The following GRK5 variants were observed in gnomAD, a reference collection of about 807,000 sequenced individuals.
GRK5 encodes g protein-coupled receptor kinase GRK5.
Under a neutral mutation model 78.4 loss-of-function variants are expected in GRK5, and 40 were observed. The observed-to-expected ratio is 0.51, with a 90% confidence interval of 0.40 to 0.66. The LOEUF is 0.66. Among genes scored for constraint, GRK5 ranks in the 30% least tolerant of loss-of-function variants. GRK5 has a pLI of 0.00. For missense variants in GRK5, 598 were observed against 759.9 expected (o/e 0.79, Z 2.50); for synonymous variants, 289 against 296.8 (o/e 0.97, Z 0.27).
At chr10:119,365,409 C>A (rs1224085896) in intron 2 of GRK5, among the ~76,000 whole-genome samples, 1 of 152,208 alleles carries the variant, frequency 6.6e-6, no homozygotes, top group East Asian at 1.9e-4. Context: ...ATATGAAACA[C>A]CTGTGTGGCA....
chr10:119,303,102 G>A (rs982858798), intron 1 of GRK5, among the ~76,000 whole-genome samples: 6 of 152,186 alleles, frequency 3.9e-5, no homozygotes, highest in African/African-American at 1.4e-4. Context: ...CGTGGAGGGT[G>A]AGCCATGTGT....
chr10:119,358,075 C>T (rs1300888616), intron 2 of GRK5, among the ~76,000 whole-genome samples: 1 of 152,136 alleles, frequency 6.6e-6, no homozygotes, highest in Non-Finnish European at 1.5e-5. Flanking sequence ...ATGGCTTGGC[C>T]CCTTGTTTCT....
intron 15 of GRK5, 115 bp downstream of exon 15, chr10:119,453,391 C>A: frequency 2.4e-6 from 3 of 1,248,594 alleles, no homozygotes; most frequent in South Asian, 1.3e-5. Context: ...AAGTCTGGGG[C>A]AGTAGCAGCT....
At chr10:119,301,279 GT>G (rs1380445934) in intron 1 of GRK5, among the ~76,000 whole-genome samples, 1 of 152,168 alleles carries the variant, frequency 6.6e-6, no homozygotes. Context: ...AACGCCATGG[GT>G]TAGTCTTGCC....
At chr10:119,231,567 C>T (rs934720268) in intron 1 of GRK5, among the ~76,000 whole-genome samples, 10 of 151,452 alleles carry the variant, frequency 6.6e-5, no homozygotes, top group South Asian at 2.1e-4. Flanking sequence ...ATTAGCTGGG[C>T]GTGGTGGTGG....
At chr10:119,450,819 C>A (rs1853267595) in intron 13 of GRK5, among the ~76,000 whole-genome samples, 1 of 152,136 alleles carries the variant, frequency 6.6e-6, no homozygotes, top group South Asian at 2.1e-4. Flanking sequence ...CCCTGTGGCC[C>A]AGGGCCTCTG....
At chr10:119,347,190 C>T (rs1358355941) in intron 2 of GRK5, among the ~76,000 whole-genome samples, 1 of 152,102 alleles carries the variant, frequency 6.6e-6, no homozygotes, top group African/African-American at 2.4e-5. Context: ...TCAGCCAGGC[C>T]TTCATGAAAC....
intron 3 of GRK5, among the ~76,000 whole-genome samples, chr10:119,384,716 T>G (rs536741447): frequency 6.6e-6 from 1 of 152,098 alleles, no homozygotes; most frequent in Non-Finnish European, 1.5e-5. Context: ...TTGGGCCCAG[T>G]GGAGGTTGGT....
intron 1 of GRK5, among the ~76,000 whole-genome samples, chr10:119,242,579 T>C (rs1329076698): frequency 6.7e-6 from 1 of 150,328 alleles, no homozygotes; most frequent in African/African-American, 2.5e-5. Flanking sequence ...GTTAGGGCTT[T>C]GTGTCCCCAC....
chr10:119,279,673 C>G (rs1207467080), intron 1 of GRK5, among the ~76,000 whole-genome samples: 1 of 152,194 alleles, frequency 6.6e-6, no homozygotes, highest in African/African-American at 2.4e-5. Flanking sequence ...TGGCCGAGGC[C>G]AGCTCCAACG....
rs757358017 is a variant in GRK5, at chr10:119,445,571, C to T, written c.1266+1819C>T. On this transcript the variant is annotated intron_variant, in intron 12 of 15. Coordinates refer to ENST00000392870, the MANE Select transcript of GRK5 (RefSeq NM_005308.3). The surrounding 1 kb of genome is among the most constrained non-coding windows in gnomAD (Gnocchi z 4.1). Reference sequence around the variant, plus strand: ...CCTGCTGCTCCCGGAGGACCTGTCCCGTGGGTACAAAACCACTGTCCTCTG... The same window carrying T: ...CCTGCTGCTCCCGGAGGACCTGTCCTGTGGGTACAAAACCACTGTCCTCTG... Among the ~76,000 whole-genome samples the T allele has an allele frequency of 2.6e-5, 4 of 152,282 alleles. No homozygotes were observed. The highest frequency in any genetic ancestry group is 4.8e-5 in the African/African-American group (2 of 41,566).
At chr10:119,263,079 C>T (rs1849438346) in intron 1 of GRK5, among the ~76,000 whole-genome samples, 1 of 152,100 alleles carries the variant, frequency 6.6e-6, no homozygotes, top group Admixed American at 6.6e-5. Context: ...GCGATCTCAG[C>T]TCACTGCAAC....
intron 3 of GRK5, among the ~76,000 whole-genome samples, chr10:119,393,861 GGTGT>G (rs1398505219): frequency 2.0e-5 from 3 of 152,030 alleles, no homozygotes; most frequent in Non-Finnish European, 4.4e-5. Context: ...CTCCATATGG[GGTGT>G]GTGTCTGTGT....
intron 1 of GRK5, among the ~76,000 whole-genome samples, chr10:119,274,773 G>A (rs1039442381): frequency 6.6e-6 from 1 of 152,152 alleles, no homozygotes; most frequent in Non-Finnish European, 1.5e-5. Context: ...AAGAGAGCTG[G>A]CGCCCTCTGG....
chr10:119,276,180 A>G (rs1174762699), intron 1 of GRK5, among the ~76,000 whole-genome samples: 1 of 151,920 alleles, frequency 6.6e-6, no homozygotes, highest in Admixed American at 6.6e-5. Flanking sequence ...GGTTAGTTAC[A>G]TATGTATACA....
chr10:119,408,163 C>CCAA (rs1852273754), intron 4 of GRK5, among the ~76,000 whole-genome samples: 1 of 73,936 alleles, frequency 1.4e-5, no homozygotes, highest in African/African-American at 5.2e-5. Flanking sequence ...AACTCCATCT[C>CCAA]AAAAAAAAAA....
intron 2 of GRK5, among the ~76,000 whole-genome samples, chr10:119,354,849 G>A (rs944030714): frequency 6.6e-5 from 10 of 152,060 alleles, no homozygotes; most frequent in Admixed American, 3.3e-4. Flanking sequence ...CCTGAGTATT[G>A]GAAAGGCTGA....
At chr10:119,369,621 A>G (rs1250475265) in intron 2 of GRK5, among the ~76,000 whole-genome samples, 1 of 152,216 alleles carries the variant, frequency 6.6e-6, no homozygotes, top group Non-Finnish European at 1.5e-5. Flanking sequence ...AGAAACAACC[A>G]CAGGTCACGC....
chr10:119,257,780 T>C (rs1849314254), intron 1 of GRK5, among the ~76,000 whole-genome samples: 1 of 152,078 alleles, frequency 6.6e-6, no homozygotes, highest in Non-Finnish European at 1.5e-5. Context: ...AGCCCACTGG[T>C]GAAAAGGCGC....
Sources: allele counts gnomAD v4.1 joint callset (sites outside exome capture counted in the v4.1 genomes callset), GRCh38; gene constraint gnomAD v4.1.1; non-coding constraint Gnocchi (gnomAD v3.1); transcripts MANE v1.5; gene names NCBI Gene and HGNC (gene_info 2026-07-23, HGNC 2026-07-21).